The following TAS2R1 variants were observed in gnomAD, a reference collection of about 807,000 sequenced individuals.
The protein encoded by TAS2R1 is taste 2 receptor member 1, also known as taste receptor type 2 member 1.
For synonymous variants in TAS2R1, 141 were observed against 134.2 expected (o/e 1.05, Z -0.35); for missense variants, 370 against 353.4 (o/e 1.05, Z -0.38).
At chr5:9,799,477 A>G in the TAS2R1 span, among the ~76,000 whole-genome samples, 1 of 152,216 alleles carries the variant, frequency 6.6e-6, no homozygotes, top group Non-Finnish European at 1.5e-5. Context: ...CTGCTCATCA[A>G]GATTTATTAG....
the TAS2R1 span, among the ~76,000 whole-genome samples, chr5:9,841,029 A>C: frequency 1.3e-5 from 2 of 151,932 alleles, no homozygotes; most frequent in East Asian, 3.8e-4. Context: ...TTCACAAAGC[A>C]CATAAATCTA....
At chr5:9,769,063 C>G in the TAS2R1 span, among the ~76,000 whole-genome samples, 1 of 152,202 alleles carries the variant, frequency 6.6e-6, no homozygotes, top group African/African-American at 2.4e-5. Flanking sequence ...CCACTTCCCA[C>G]GCCCTCATCA....
chr5:9,841,894 T>C, the TAS2R1 span, among the ~76,000 whole-genome samples: 2 of 152,344 alleles, frequency 1.3e-5, no homozygotes, highest in South Asian at 4.1e-4. Context: ...CTGAGCTATA[T>C]AGCATTGCCC....
At chr5:9,701,616 A>G (rs1027625216) in intron 1 of TAS2R1, among the ~76,000 whole-genome samples, 34 of 152,188 alleles carry the variant, frequency 2.2e-4, no homozygotes, top group Non-Finnish European at 4.6e-4. Context: ...AGAAATGATC[A>G]ATGATGATTA....
chr5:9,848,102 ACTT>A, the TAS2R1 span, among the ~76,000 whole-genome samples: 3 of 152,224 alleles, frequency 2.0e-5, no homozygotes, highest in East Asian at 1.9e-4. Context: ...ACTCATGAAT[ACTT>A]CTTAAGTCCC....
the TAS2R1 span, among the ~76,000 whole-genome samples, chr5:9,826,914 C>G: frequency 6.6e-6 from 1 of 152,118 alleles, no homozygotes; most frequent in Admixed American, 6.5e-5. Flanking sequence ...CTCACCAGCT[C>G]TTACCACTTG....
At chr5:9,864,006 C>T in the TAS2R1 span, among the ~76,000 whole-genome samples, 17 of 152,164 alleles carry the variant, frequency 1.1e-4, no homozygotes, top group Non-Finnish European at 2.1e-4. Flanking sequence ...AGAGCTTAGA[C>T]CAAACATGAT....
the TAS2R1 span, among the ~76,000 whole-genome samples, chr5:9,885,948 G>T: frequency 1.3e-5 from 2 of 151,964 alleles, no homozygotes; most frequent in East Asian, 1.9e-4. Flanking sequence ...CAAAGAAATG[G>T]TTTTTCATAG....
chr5:9,823,660 G>GAGGGAGGGAAAGGGAGGAAGGA, the TAS2R1 span, among the ~76,000 whole-genome samples: 30 of 133,454 alleles, frequency 2.2e-4, no homozygotes, highest in African/African-American at 8.1e-4. Context: ...GGGAGGAAGG[G>GAGGGAGGGAAAGGGAGGAAGGA]AGGGAAAGGA....
chr5:9,750,763 T>C, the TAS2R1 span, among the ~76,000 whole-genome samples: 1 of 152,210 alleles, frequency 6.6e-6, no homozygotes, highest in Non-Finnish European at 1.5e-5. Flanking sequence ...AAATTGGCAA[T>C]CAGATTGAAA....
the TAS2R1 span, among the ~76,000 whole-genome samples, chr5:9,752,428 C>G: frequency 1.3e-5 from 2 of 152,168 alleles, no homozygotes; most frequent in African/African-American, 4.8e-5. Context: ...ACCTAAATGT[C>G]TGATATCCCT....
chr5:9,835,166 A>G, the TAS2R1 span, among the ~76,000 whole-genome samples: 1 of 152,184 alleles, frequency 6.6e-6, no homozygotes, highest in East Asian at 1.9e-4. Context: ...GGGCCAGCAC[A>G]TGGCAGCATC....
At chr5:9,690,171 G>A (rs1741209884) in intron 1 of TAS2R1, among the ~76,000 whole-genome samples, 1 of 152,190 alleles carries the variant, frequency 6.6e-6, no homozygotes, top group Admixed American at 6.5e-5. Flanking sequence ...GTAACAGAAT[G>A]TTACCCCGCT....
intron 1 of TAS2R1, among the ~76,000 whole-genome samples, chr5:9,702,485 G>A (rs1741508391): frequency 6.6e-6 from 1 of 152,080 alleles, no homozygotes; most frequent in African/African-American, 2.4e-5. Context: ...TTGGTGCCGA[G>A]GGGGAAAATC....
chr5:9,854,127 T>G, the TAS2R1 span, among the ~76,000 whole-genome samples: 39 of 152,204 alleles, frequency 2.6e-4, no homozygotes, highest in Non-Finnish European at 4.0e-4. Flanking sequence ...AGAATCTGCT[T>G]CAGCCTCTCT....
intron 2 of TAS2R1, among the ~76,000 whole-genome samples, chr5:9,654,765 T>A (rs1740376754): frequency 6.6e-6 from 1 of 152,192 alleles, no homozygotes; most frequent in South Asian, 2.1e-4. Flanking sequence ...CAAGTCTTAG[T>A]AAAGATACAG....
At chr5:9,757,153 ATTTAC>A in the TAS2R1 span, among the ~76,000 whole-genome samples, 1 of 152,222 alleles carries the variant, frequency 6.6e-6, no homozygotes, top group Admixed American at 6.5e-5. Flanking sequence ...TAAGATTTTA[ATTTAC>A]TTTATGCCTT....
Position 9,628,342 on chromosome 5 carries a change from G to A in TAS2R1, c.*791C>T, listed in dbSNP as rs1325150200. Among the ~76,000 whole-genome samples the A allele has an allele frequency of 6.6e-6, 1 of 152,040 alleles. No individual in the cohort carries two copies. On this transcript the variant is annotated 3_prime_UTR_variant, in exon 1 of 1. Coordinates refer to ENST00000382492, the MANE Select transcript of TAS2R1 (RefSeq NM_019599.3). Reference sequence around the variant, plus strand: ...TGGGTTGAAAGGGTCTCAAAGTCAGGCACACAAATACAAAATAAAACATCT... The same window carrying A: ...TGGGTTGAAAGGGTCTCAAAGTCAGACACACAAATACAAAATAAAACATCT...
chr5:9,889,330 A>G, the TAS2R1 span, among the ~76,000 whole-genome samples: 4 of 152,140 alleles, frequency 2.6e-5, no homozygotes, highest in Admixed American at 2.6e-4. Context: ...GGAAAGCAGG[A>G]TGTCTGGTAG....
Sources: allele counts gnomAD v4.1 joint callset (sites outside exome capture counted in the v4.1 genomes callset), GRCh38; gene constraint gnomAD v4.1.1; transcripts MANE v1.5; gene names NCBI Gene and HGNC (gene_info 2026-07-23, HGNC 2026-07-21).